Variants in STK25 observed in about 807,000 individuals in gnomAD.
The protein encoded by STK25 is serine/threonine kinase 25.
A neutral mutation model predicts 53.8 loss-of-function variants in STK25; 29 were observed. The ratio of observed to expected loss-of-function variants is 0.54; its 90% CI spans 0.40 to 0.74. The LOEUF (loss-of-function observed/expected upper bound fraction) is 0.74, where lower values mean the gene tolerates loss of function less well. Among genes scored for constraint, STK25 ranks in the 30% least tolerant of loss-of-function variants. The pLI, the probability that STK25 is intolerant of heterozygous loss-of-function variation, is 0.00. For missense variants in STK25, 420 were observed against 568.0 expected (o/e 0.74, Z 2.65); for synonymous variants, 247 against 238.3 (o/e 1.04, Z -0.33).
Position 241,495,437 on chromosome 2 carries a change from G to A in STK25, c.*225C>T, listed in dbSNP as rs1030407159. On this transcript the variant is annotated 3_prime_UTR_variant, in exon 12 of 12. Transcript: ENST00000316586. ...CAATACTGCTGGGCCAGGAGAGGGA[G>A]GAGGGCAGTGGGCATAGAGAACAGC... 1.8e-5 allele frequency: 10 copies of A among 560,254 alleles called. No homozygotes were observed. The highest frequency in any genetic ancestry group is 9.4e-5 in the African/African-American group (5 of 52,968). The allele number at this position is 560,254 out of a possible 1,614,324, so 34.7% of individuals were successfully genotyped here.
At position 241,493,145 on chromosome 2, in the gene STK25, C is replaced by T; in HGVS notation, c.*2517G>A. 6 of 1,148,238 alleles carry T rather than the reference C, an allele frequency of 5.2e-6. No homozygotes were observed. The highest frequency in any genetic ancestry group is 7.8e-6 in the Non-Finnish European group (6 of 770,046). 71.1% of individuals were successfully genotyped at this position (1,148,238 alleles called of 1,614,324 possible). A position where few individuals can be genotyped will look rare whatever the true frequency, so the allele number is the denominator to read the frequency against. Reference sequence around the variant, plus strand: ...TTGGTTCTGCCCTCCCATGCTTTGCCCACACACCCTGTGCTGTGTGAACAG... The same window carrying T: ...TTGGTTCTGCCCTCCCATGCTTTGCTCACACACCCTGTGCTGTGTGAACAG... On this transcript the variant is annotated 3_prime_UTR_variant, in exon 12 of 12. Coordinates refer to ENST00000316586, the MANE Select transcript of STK25 (RefSeq NM_001271977.2).
rs1178011816 is a variant in STK25 at position 241,495,452 on chromosome 2, T to C, written c.*210A>G. 3.4e-6 allele frequency: 2 copies of C among 581,594 alleles called. No individual in the cohort carries two copies. Among genetic ancestry groups the C allele is most frequent in the Non-Finnish European group, 6.2e-6 (2 of 324,444 alleles). The allele number at this position is 581,594 out of a possible 1,614,324, so 36.0% of individuals were successfully genotyped here. A position where few individuals can be genotyped will look rare whatever the true frequency, so the allele number is the denominator to read the frequency against. Reference sequence around the variant, plus strand: ...AGGAGAGGGAGGAGGGCAGTGGGCATAGAGAACAGCGTCCCTGACGTGCAC... The same window carrying C: ...AGGAGAGGGAGGAGGGCAGTGGGCACAGAGAACAGCGTCCCTGACGTGCAC... On this transcript the variant is annotated 3_prime_UTR_variant, in exon 12 of 12. Coordinates refer to ENST00000316586, the MANE Select transcript of STK25 (RefSeq NM_001271977.2).
intron 7 of STK25, 52 bp downstream of exon 7, chr2:241,498,937 G>A (rs540453734): frequency 3.2e-5 from 51 of 1,611,518 alleles, no homozygotes; most frequent in Non-Finnish European, 3.9e-5. Flanking sequence ...CCAAGCGAAC[G>A]CCCTCCCTCC....
Position 241,499,243 on chromosome 2 carries a change from C to T in STK25, c.585+14G>A, listed in dbSNP as rs1574944780. 2 of 1,613,858 alleles carry T rather than the reference C, an allele frequency of 1.2e-6. No individual in the cohort carries two copies. Among genetic ancestry groups the T allele is most frequent in the Non-Finnish European group, 1.7e-6 (2 of 1,179,886 alleles). On this transcript the variant is annotated intron_variant, in intron 6 of 11. Transcript: ENST00000316586. ...CAGGCATGGTGCCCGCACCTGCCCG[C>T]CCGCTGCACCCACCTTGAAGTCGTA... is the stretch of plus-strand genomic sequence containing the variant.
At chr2:241,495,776 G>A (rs1299103594) in intron 11 of STK25, 75 bp from the exon 12 acceptor site, 7 of 1,534,264 alleles carry the variant, frequency 4.6e-6, no homozygotes, top group East Asian at 2.3e-5. Context: ...TGGGTGTGCA[G>A]TCTGCGGTGG....
At chr2:241,497,569 C>T in intron 10 of STK25, 47 bp downstream of exon 10, 1 of 1,591,442 alleles carries the variant, frequency 6.3e-7, no homozygotes, top group Non-Finnish European at 8.6e-7. Context: ...AGTGTCACAG[C>T]CTTGTCCTTG....
At chr2:241,506,411 G>A (rs577064982) in intron 2 of STK25, among the ~76,000 whole-genome samples, 139 of 152,334 alleles carry the variant, frequency 9.1e-4, no homozygotes, top group African/African-American at 3.2e-3. Context: ...CACAGTTACA[G>A]GGCACCTCGG....
Position 241,508,201 on chromosome 2 carries a change from G to A in STK25, c.-100-66C>T, listed in dbSNP as rs2065970391. On this transcript the variant is annotated intron_variant, in intron 1 of 11. Transcript: ENST00000316586. The stretch of plus-strand genomic sequence containing the variant: ...ATCTGAGACCGACCTCCGGGGCGGC[G>A]GGCTCCATGGGTGGGGGGGGGCCCA... 12 of 1,355,714 alleles carry A rather than the reference G, an allele frequency of 8.9e-6. 1 individual carries two copies. In the South Asian group the frequency reaches 2.0e-4, roughly 22 times the overall value. The allele number at this position is 1,355,714 out of a possible 1,614,324, so 84.0% of individuals were successfully genotyped here.
At chr2:241,500,131 G>A (rs2065421097) in intron 5 of STK25, 42 bp downstream of exon 5, 1 of 1,555,576 alleles carries the variant, frequency 6.4e-7, no homozygotes, top group African/African-American at 1.4e-5. Flanking sequence ...AGGTCAGTGG[G>A]GCTCAGGACG....
rs985894076 is a variant in STK25, at chr2:241,493,621, G to A, written c.*2041C>T. 1.5e-5 allele frequency: 9 copies of A among 598,732 alleles called. No homozygotes were observed. Among genetic ancestry groups the A allele is most frequent in the South Asian group, 1.0e-4 (5 of 49,594 alleles). The allele number at this position is 598,732 out of a possible 1,614,324, so 37.1% of individuals were successfully genotyped here. ...TGTTTTTTTTTTTTTTGGAGATGGC[G>A]TCTCCCTCTGTCACTCAGGCTGGAG... On this transcript the variant is annotated 3_prime_UTR_variant, in exon 12 of 12. Transcript: ENST00000316586.
In STK25 at chr2:241,501,424, G is replaced by A. The variant is rs771702280; in HGVS notation, c.261+54C>T. 9 of 1,552,786 alleles carry A rather than the reference G, an allele frequency of 5.8e-6. No individual in the cohort carries two copies. The highest frequency in any genetic ancestry group is 4.1e-5 in the African/African-American group (3 of 73,516). The stretch of plus-strand genomic sequence containing the variant: ...GCATGTCACTCAGTCCCTCTGACAT[G>A]GAAGAGAGCCGGGCACAGCACCAGC... On this transcript the variant is annotated intron_variant, in intron 3 of 11. Coordinates refer to ENST00000316586, the MANE Select transcript of STK25 (RefSeq NM_001271977.2). The surrounding 1 kb of genome is among the most constrained non-coding windows in gnomAD (Gnocchi z 5.3).
At position 241,496,733 on chromosome 2, in the gene STK25, G is replaced by C. The variant is rs1446165094; in HGVS notation, c.1105-199C>G. Among the ~76,000 whole-genome samples, 1 of 151,978 alleles carries C rather than the reference G, an allele frequency of 6.6e-6. No individual in the cohort carries two copies. Among genetic ancestry groups the C allele is most frequent in the Non-Finnish European group, 1.5e-5 (1 of 67,966 alleles). On this transcript the variant is annotated intron_variant, in intron 10 of 11. Coordinates refer to ENST00000316586, the MANE Select transcript of STK25 (RefSeq NM_001271977.2). The surrounding 1 kb of genome is among the most constrained non-coding windows in gnomAD (Gnocchi z 5.8). Reference sequence around the variant, plus strand: ...TGCCCTGCCAACGGGGACCCTAGTGGTCCTTCCCCACAGCACCTACCTTCC... The same window carrying C: ...TGCCCTGCCAACGGGGACCCTAGTGCTCCTTCCCCACAGCACCTACCTTCC...
Position 241,496,351 on chromosome 2 carries a change from T to C in STK25, c.1241+47A>G. ...ACTGGACCTCACCCCACGTCCAGCT[T>C]CTTGGTGGGGGTGCTCTCCCCGACC... On this transcript the variant is annotated intron_variant, in intron 11 of 11. Transcript: ENST00000316586. This position sits in a 1 kb window ranked among gnomAD's most constrained non-coding sequence, Gnocchi z 5.8. 2 of 1,586,900 alleles carry C rather than the reference T, an allele frequency of 1.3e-6. No homozygotes were observed. Among genetic ancestry groups the C allele is most frequent in the South Asian group, 2.2e-5 (2 of 90,014 alleles).
intron 2 of STK25, chr2:241,502,074 G>T (rs372758972): frequency 4.5e-6 from 1 of 222,532 alleles, no homozygotes; most frequent in East Asian, 1.1e-4. Context: ...TGAGGCAGGA[G>T]AATTGCTTGA....
rs2065259476 is a variant in STK25 at position 241,497,789 on chromosome 2, G to GAGCA, written c.1033-106_1033-103dup. On this transcript the variant is annotated intron_variant, in intron 9 of 11. Transcript: ENST00000316586. ...CTAGCCTTGAAGAGACAGAGGCTGG[G>GAGCA]AGCAGCCTGTCGGGGCACATGTCCA... 3 of 1,220,502 alleles carry GAGCA rather than the reference G, an allele frequency of 2.5e-6. No individual in the cohort carries two copies. In the East Asian group the frequency reaches 7.2e-5, roughly 29 times the overall value. 75.6% of individuals were successfully genotyped at this position (1,220,502 alleles called of 1,614,324 possible). A position where few individuals can be genotyped will look rare whatever the true frequency, so the allele number is the denominator to read the frequency against.
Position 241,494,069 on chromosome 2 carries a change from G to T in STK25, c.*1593C>A. The T allele has an allele frequency of 2.1e-6, 3 of 1,443,444 alleles. No homozygotes were observed. The highest frequency in any genetic ancestry group is 2.7e-6 in the Non-Finnish European group (3 of 1,101,140). 89.4% of individuals were successfully genotyped at this position (1,443,444 alleles called of 1,614,324 possible). ...CGGGAGGGCCCCAAGCATCGTGCAG[G>T]ATGGCCCCCAACCCTCCTCAGGGCT... On this transcript the variant is annotated 3_prime_UTR_variant, in exon 12 of 12. Transcript: ENST00000316586. This position sits in a 1 kb window ranked among gnomAD's most constrained non-coding sequence, Gnocchi z 4.9.
rs2065351021 is a variant in STK25, at chr2:241,499,016, C to T, written c.744G>A (p.Glu248=). The change falls in exon 7 of 12, where the codon GAG becomes GAA. Residue 248 remains glutamate (E), a synonymous_variant. Transcript: ENST00000316586. ...ATCGGGGGTCTTTGTTGAGGCAGGCCTCCACGAACTCCTTGAAGGGCTTGC... is the reference window on the plus strand; with the variant it reads ...ATCGGGGGTCTTTGTTGAGGCAGGCTTCCACGAACTCCTTGAAGGGCTTGC... ...QHSKPFKEFV[E]ACLNKDPRFR... The T allele has an allele frequency of 6.2e-7, 1 of 1,613,976 alleles. No homozygotes were observed. The highest frequency in any genetic ancestry group is 8.5e-7 in the Non-Finnish European group (1 of 1,179,990).
chr2:241,501,102 G>A lies in STK25; in HGVS notation c.262-306C>T, dbSNP rs373659048. ...GCTGGGAAGAGGGCATGGCTGGCAAGCATGTGACCCGACACACCCATCACC... is the reference window on the plus strand; with the variant it reads ...GCTGGGAAGAGGGCATGGCTGGCAAACATGTGACCCGACACACCCATCACC... On this transcript the variant is annotated intron_variant, in intron 3 of 11. Coordinates refer to ENST00000316586, the MANE Select transcript of STK25 (RefSeq NM_001271977.2). This position sits in a 1 kb window ranked among gnomAD's most constrained non-coding sequence, Gnocchi z 5.3. The A allele has an allele frequency of 3.6e-6, 2 of 558,978 alleles. No homozygotes were observed. The allele number at this position is 558,978 out of a possible 1,614,324, so 34.6% of individuals were successfully genotyped here.
At chr2:241,507,668 G>A (rs1185492004) in intron 2 of STK25, among the ~76,000 whole-genome samples, 4 of 152,242 alleles carry the variant, frequency 2.6e-5, no homozygotes, top group African/African-American at 9.6e-5. Flanking sequence ...ACTGCCTTCG[G>A]ATGCTGACAT....
Sources: allele counts gnomAD v4.1 joint callset (sites outside exome capture counted in the v4.1 genomes callset), GRCh38; gene constraint gnomAD v4.1.1; non-coding constraint Gnocchi (gnomAD v3.1); transcripts MANE v1.5; gene names NCBI Gene and HGNC (gene_info 2026-07-23, HGNC 2026-07-21).